TRPC7: variants seen among roughly 807,000 people sequenced by gnomAD.
The protein encoded by TRPC7 is short transient receptor potential channel 7.
A neutral mutation model predicts 90.1 loss-of-function variants in TRPC7; 42 were observed. The observed-to-expected ratio is 0.47, with a 90% CI of 0.36 to 0.60. TRPC7 has a LOEUF of 0.60. TRPC7 is among the 20% of genes least tolerant of loss of function. The pLI, the probability that TRPC7 is intolerant of heterozygous loss-of-function variation, is 0.00. For synonymous variants in TRPC7, 451 were observed against 436.3 expected (o/e 1.03, Z -0.42); for missense variants, 955 against 1,112.3 (o/e 0.86, Z 2.01).
At chr5:136,241,318 A>G (rs952754670) in intron 7 of TRPC7, among the ~76,000 whole-genome samples, 2 of 152,278 alleles carry the variant, frequency 1.3e-5, no homozygotes, top group Non-Finnish European at 2.9e-5. Context: ...AACAGCCTAT[A>G]GAAAAGATGG....
chr5:136,309,597 T>C (rs1288074072), intron 3 of TRPC7, among the ~76,000 whole-genome samples: 1 of 152,174 alleles, frequency 6.6e-6, no homozygotes, highest in East Asian at 1.9e-4. Context: ...TCACTATAAG[T>C]GGCGAGCAGA....
At chr5:136,232,008 C>T (rs1755832192) in intron 7 of TRPC7, among the ~76,000 whole-genome samples, 1 of 152,104 alleles carries the variant, frequency 6.6e-6, no homozygotes, top group African/African-American at 2.4e-5. Flanking sequence ...TGCCTGCATT[C>T]TGAGATAATG....
chr5:136,293,594 G>GAGA (rs1758043400), intron 3 of TRPC7, among the ~76,000 whole-genome samples: 1 of 152,096 alleles, frequency 6.6e-6, no homozygotes, highest in Admixed American at 6.5e-5. Context: ...GGATGTGAAG[G>GAGA]ACCTCTTCAA....
At chr5:136,262,469 A>G (rs1756891038) in intron 5 of TRPC7, among the ~76,000 whole-genome samples, 1 of 152,206 alleles carries the variant, frequency 6.6e-6, no homozygotes, top group Admixed American at 6.5e-5. Context: ...CTACTCTGAT[A>G]AGGTGAAATT....
intron 7 of TRPC7, among the ~76,000 whole-genome samples, chr5:136,232,865 T>C (rs1755861533): frequency 6.9e-6 from 1 of 144,616 alleles, no homozygotes; most frequent in Non-Finnish European, 1.5e-5. Flanking sequence ...AGAAAGCACT[T>C]TTTTTTTTCC....
chr5:136,236,832 C>T (rs1206118140), intron 7 of TRPC7, among the ~76,000 whole-genome samples: 2 of 152,178 alleles, frequency 1.3e-5, no homozygotes, highest in Non-Finnish European at 2.9e-5. Context: ...TCCCCACTGC[C>T]AGGACTCCTA....
chr5:136,357,195 C>T lies in TRPC7; in HGVS notation c.193G>A (p.Glu65Lys). The T allele has an allele frequency of 6.2e-7, 1 of 1,613,936 alleles. No homozygotes were observed. The highest frequency in any genetic ancestry group is 1.1e-5 in the South Asian group (1 of 91,060). Reference sequence around the variant, plus strand: ...CAGTTGAAGTTAAGGGTCTTGGACTCCTCCAGCATTTTCCGGACCACCGGG... The same window carrying T: ...CAGTTGAAGTTAAGGGTCTTGGACTTCTCCAGCATTTTCCGGACCACCGGG... ...NIPVVRKMLE[E>K]SKTLNFNCVD... The change falls in exon 2 of 12, where the codon GAG becomes AAG. Residue 65 changes from glutamate (E) to lysine (K), a missense_variant. By Grantham distance (56) the Glu-to-Lys change is moderately conservative. Transcript: ENST00000513104.
intron 5 of TRPC7, among the ~76,000 whole-genome samples, chr5:136,259,027 A>G (rs1756771931): frequency 6.6e-6 from 1 of 152,228 alleles, no homozygotes; most frequent in Admixed American, 6.5e-5. Flanking sequence ...GCAAGAGGAT[A>G]ATATTAATAG....
At chr5:136,289,716 G>A (rs1045052020) in intron 3 of TRPC7, among the ~76,000 whole-genome samples, 1 of 152,230 alleles carries the variant, frequency 6.6e-6, no homozygotes, top group Non-Finnish European at 1.5e-5. Context: ...CACCTCTAGG[G>A]GCAGGGCACA....
intron 2 of TRPC7, among the ~76,000 whole-genome samples, chr5:136,322,610 A>ACT (rs1759234339): frequency 6.6e-6 from 1 of 151,740 alleles, no homozygotes; most frequent in Non-Finnish European, 1.5e-5. Context: ...TTCAAGAGAT[A>ACT]CTCTTGCCTC....
At chr5:136,342,593 C>T (rs547574986) in intron 2 of TRPC7, among the ~76,000 whole-genome samples, 64 of 152,246 alleles carry the variant, frequency 4.2e-4, no homozygotes, top group African/African-American at 1.4e-3. Flanking sequence ...TGGGGCCTAC[C>T]CTCATCTTAT....
chr5:136,260,285 A>G (rs896570937), intron 5 of TRPC7, among the ~76,000 whole-genome samples: 2 of 152,274 alleles, frequency 1.3e-5, no homozygotes, highest in Admixed American at 6.5e-5. Flanking sequence ...GAAACAAAAT[A>G]GAGCATATAG....
intron 3 of TRPC7, among the ~76,000 whole-genome samples, chr5:136,301,187 C>G (rs1415709562): frequency 6.6e-6 from 1 of 152,026 alleles, no homozygotes; most frequent in African/African-American, 2.4e-5. Flanking sequence ...CCACCATGCC[C>G]AGCTAATTTT....
intron 3 of TRPC7, among the ~76,000 whole-genome samples, chr5:136,287,996 G>A (rs1757789112): frequency 6.6e-6 from 1 of 152,100 alleles, no homozygotes; most frequent in South Asian, 2.1e-4. Flanking sequence ...ATTTTTAAAT[G>A]CTAAGAGCCA....
chr5:136,259,459 A>T (rs1402865290), intron 5 of TRPC7, among the ~76,000 whole-genome samples: 3 of 152,182 alleles, frequency 2.0e-5, no homozygotes, highest in East Asian at 3.9e-4. Flanking sequence ...TCTCCTATTT[A>T]GCATTTTAGA....
Position 136,365,310 on chromosome 5 carries a change from A to C in TRPC7, c.-56T>G, listed in dbSNP as rs908502762. On this transcript the variant is annotated 5_prime_UTR_variant, in exon 1 of 12. Coordinates refer to ENST00000513104, the MANE Select transcript of TRPC7 (RefSeq NM_020389.3). ...TCTAGATGACCGGAATCCGGTGTTG[A>C]GTCGCCAGAAGCTGGCTCCCCATGG... 9.1e-6 allele frequency: 14 copies of C among 1,534,340 alleles called. No individual in the cohort carries two copies. The African/African-American group carries it at 1.6e-4, about 18-fold the overall frequency.
At chr5:136,233,858 A>G (rs1755897020) in intron 7 of TRPC7, among the ~76,000 whole-genome samples, 1 of 152,016 alleles carries the variant, frequency 6.6e-6, no homozygotes, top group South Asian at 2.1e-4. Flanking sequence ...TTTTTTTCTC[A>G]TTTGCATCTT....
intron 11 of TRPC7, chr5:136,214,409 T>A (rs1755193396): frequency 6.6e-6 from 1 of 152,210 alleles, no homozygotes; most frequent in Non-Finnish European, 1.5e-5. Flanking sequence ...GAAACATTAC[T>A]CGTCTATTTT....
At chr5:136,283,774 T>G (rs1757622205) in intron 3 of TRPC7, among the ~76,000 whole-genome samples, 1 of 152,182 alleles carries the variant, frequency 6.6e-6, no homozygotes, top group Non-Finnish European at 1.5e-5. Flanking sequence ...TTCCTGCCCT[T>G]TCATTTCCCA....
Sources: gnomAD v4.1 joint callset for allele counts (sites outside exome capture counted in the v4.1 genomes callset) on GRCh38, gnomAD v4.1.1 for gene constraint, MANE v1.5 for transcripts, NCBI Gene and HGNC (gene_info 2026-07-23, HGNC 2026-07-21) for gene names.